The following NFATC1 variants were observed in gnomAD, a reference collection of about 807,000 sequenced individuals.
NFATC1 encodes the protein nuclear factor of activated T-cells, cytoplasmic 1.
In NFATC1, 22 loss-of-function variants were observed where a neutral mutation model predicts 76.0. The ratio of observed to expected loss-of-function variants is 0.29; its 90% CI spans 0.21 to 0.41. NFATC1 has a LOEUF of 0.41. Ranked by LOEUF, NFATC1 falls within the 10% of genes least tolerant of loss-of-function variation. The pLI, the probability that NFATC1 is intolerant of heterozygous loss-of-function variation, is 1.00. For synonymous variants in NFATC1, 704 were observed against 613.1 expected (o/e 1.15, Z -2.19); for missense variants, 1,357 against 1,337.7 (o/e 1.01, Z -0.23).
intron 6 of NFATC1, among the ~76,000 whole-genome samples, chr18:79,459,315 G>T (rs963393876): frequency 1.1e-4 from 16 of 152,348 alleles, no homozygotes; most frequent in African/African-American, 3.6e-4. Flanking sequence ...GGTGGGAAAA[G>T]ACGCCTCCAT....
In NFATC1 at chr18:79,527,525, C is replaced by T. The variant is rs758751754; in HGVS notation, c.2783-3C>T. ...TACTTTCTCAATTTTTCTTTTCTTA[C>T]AGTAAATGAAATAATACGAAATGAC... On this transcript the variant is annotated splice_polypyrimidine_tract_variant and splice_region_variant and intron_variant, in intron 9 of 9. Transcript: ENST00000427363. 12 of 1,612,788 alleles carry T rather than the reference C, an allele frequency of 7.4e-6. No individual in the cohort carries two copies. The highest frequency in any genetic ancestry group is 2.2e-5 in the East Asian group (1 of 44,878).
intron 3 of NFATC1, among the ~76,000 whole-genome samples, chr18:79,440,877 G>A (rs1422347616): frequency 6.6e-6 from 1 of 152,162 alleles, no homozygotes; most frequent in Admixed American, 6.5e-5. Context: ...TGTGACGTTG[G>A]TGGCTGTTCC....
intron 8 of NFATC1, among the ~76,000 whole-genome samples, chr18:79,476,539 G>A (rs927886523): frequency 7.2e-5 from 11 of 152,220 alleles, no homozygotes; most frequent in African/African-American, 1.2e-4. Context: ...CCTCGCTGCC[G>A]TGCTGTCCTG....
chr18:79,475,078 TCACA>T lies in NFATC1; in HGVS notation c.2092+7498_2092+7501del, dbSNP rs202226130. 3.8e-3 allele frequency among the ~76,000 whole-genome samples: 439 copies of T among 115,056 alleles called. 22 individuals carry two copies. Among genetic ancestry groups the T allele is most frequent in the Admixed American group, 0.028 (343 of 12,166 alleles). The allele number at this position is 115,056 out of a possible 152,430, so 75.5% of individuals were successfully genotyped here. A position where few individuals can be genotyped will look rare whatever the true frequency, so the allele number is the denominator to read the frequency against. On this transcript the variant is annotated intron_variant, in intron 8 of 9. Transcript: ENST00000427363. ...TTGTAAACCTGAGGGAAGTGTGTTCTCACACTCACTCGACGTGAGGGAAGCGTGT... is the reference window on the plus strand; with the variant it reads ...TTGTAAACCTGAGGGAAGTGTGTTCTCTCACTCGACGTGAGGGAAGCGTGT...
intron 9 of NFATC1, among the ~76,000 whole-genome samples, chr18:79,500,619 C>T (rs1441235591): frequency 6.6e-6 from 1 of 151,938 alleles, no homozygotes; most frequent in Non-Finnish European, 1.5e-5. Flanking sequence ...ACAAAATTGA[C>T]AAAACTTTAA....
chr18:79,464,419 A>G (rs1385335145), intron 7 of NFATC1, among the ~76,000 whole-genome samples: 1 of 151,794 alleles, frequency 6.6e-6, no homozygotes, highest in Non-Finnish European at 1.5e-5. Flanking sequence ...TAATCTCTTA[A>G]ATGGAGTTTG....
chr18:79,410,466 C>T lies in NFATC1; in HGVS notation c.191C>T (p.Thr64Ile), dbSNP rs762539999. ...CTGCCGCTCCCCACGGCGCACTCCA[C>T]CCTGCCGGCCCCGTGCCACAACCTT... ...PALPLPTAHS[T>I]LPAPCHNLQT... Residue 64 changes from threonine to isoleucine, a missense_variant, in exon 2 of 10, where the codon ACC becomes ATC. Around this residue, in one of 3 missense-constraint regions of NFATC1, gnomAD observed 691 missense variants for 613.1 expected, o/e 1.13. Transcript: ENST00000427363. This position sits in a 1 kb window ranked among gnomAD's most constrained non-coding sequence, Gnocchi z 6.7. 2 of 1,612,276 alleles carry T rather than the reference C, an allele frequency of 1.2e-6. No individual in the cohort carries two copies. Among genetic ancestry groups the T allele is most frequent in the African/African-American group, 1.3e-5 (1 of 74,904 alleles).
At chr18:79,458,952 C>A (rs2087901463) in intron 6 of NFATC1, among the ~76,000 whole-genome samples, 1 of 152,244 alleles carries the variant, frequency 6.6e-6, no homozygotes, top group Non-Finnish European at 1.5e-5. Flanking sequence ...CTTTATGATC[C>A]TTAAGCAGAA....
intron 3 of NFATC1, among the ~76,000 whole-genome samples, chr18:79,440,561 C>T (rs2086934837): frequency 6.6e-6 from 1 of 152,148 alleles, no homozygotes; most frequent in Non-Finnish European, 1.5e-5. Flanking sequence ...GGGCCACACC[C>T]AGCAGGTGTC....
At position 79,455,268 on chromosome 18, in the gene NFATC1, G is replaced by A. The variant is rs1404327149; in HGVS notation, c.1903+3452G>A. On this transcript the variant is annotated intron_variant, in intron 6 of 9. Coordinates refer to ENST00000427363, the MANE Select transcript of NFATC1 (RefSeq NM_001278669.2). ...CGCCGGGGGTGAAGACTCCCACTCC[G>A]TTTGCCAGCGATCGCGCAGCGGGCA... Among the ~76,000 whole-genome samples, 13 of 152,344 alleles carry A rather than the reference G, an allele frequency of 8.5e-5. No individual in the cohort carries two copies. In the East Asian group the frequency reaches 1.9e-3, roughly 23 times the overall value.
intron 3 of NFATC1, among the ~76,000 whole-genome samples, chr18:79,447,662 C>T (rs1262670168): frequency 6.6e-6 from 1 of 152,192 alleles, no homozygotes; most frequent in Non-Finnish European, 1.5e-5. Flanking sequence ...GTGGGAGGCC[C>T]CACTGCGCAA....
At chr18:79,397,839 T>C (rs2085058745) in intron 1 of NFATC1, among the ~76,000 whole-genome samples, 1 of 152,142 alleles carries the variant, frequency 6.6e-6, no homozygotes, top group African/African-American at 2.4e-5. Flanking sequence ...GTTTTCGTGT[T>C]TCCTACTGAA....
At chr18:79,448,085 G>A (rs1481532008) in intron 3 of NFATC1, among the ~76,000 whole-genome samples, 1 of 152,238 alleles carries the variant, frequency 6.6e-6, no homozygotes, top group Non-Finnish European at 1.5e-5. Flanking sequence ...TGTGGGTTTT[G>A]AGTCTCACCC....
intron 1 of NFATC1, among the ~76,000 whole-genome samples, chr18:79,400,863 CTCAG>C (rs2085208765): frequency 2.3e-3 from 1 of 432 alleles, no homozygotes; most frequent in Non-Finnish European, 5.1e-3. Flanking sequence ...CGACCTCCGC[CTCAG>C]CCATCCTCCT....
At chr18:79,438,119 G>A (rs1052489602) in intron 3 of NFATC1, among the ~76,000 whole-genome samples, 8 of 152,224 alleles carry the variant, frequency 5.3e-5, no homozygotes, top group Admixed American at 3.3e-4. Flanking sequence ...CGCTCCGTCC[G>A]AGGAGGAGCT....
intron 2 of NFATC1, among the ~76,000 whole-genome samples, chr18:79,415,761 A>G (rs1352780178): frequency 6.6e-6 from 1 of 151,978 alleles, no homozygotes. Context: ...TGGTGCAATA[A>G]CGTATATTCA....
rs1407703425 is a variant in NFATC1 at position 79,451,655 on chromosome 18, GC to G, written c.1763-17del. ...CGCCCACTCAGGACAGGCCCTCACT[GC>G]CCCTCTCCTTCTGATGCAGCCCAGC... On this transcript the variant is annotated intron_variant, in intron 5 of 9. Transcript: ENST00000427363. 1.9e-6 allele frequency: 3 copies of G among 1,567,748 alleles called. No individual in the cohort carries two copies. Among genetic ancestry groups the G allele is most frequent in the Non-Finnish European group, 2.6e-6 (3 of 1,154,694 alleles).
intron 3 of NFATC1, among the ~76,000 whole-genome samples, chr18:79,436,847 G>A (rs1419766567): frequency 2.6e-5 from 4 of 152,048 alleles, no homozygotes; most frequent in Admixed American, 2.0e-4. Flanking sequence ...GCCCCCTCCA[G>A]TGAGCACTGA....
intron 2 of NFATC1, among the ~76,000 whole-genome samples, chr18:79,432,173 C>T (rs2086613864): frequency 6.6e-6 from 1 of 152,250 alleles, no homozygotes; most frequent in Non-Finnish European, 1.5e-5. Flanking sequence ...GTCTCTGGGG[C>T]TTGTACTTAA....
Sources: gnomAD v4.1 joint callset for allele counts (sites outside exome capture counted in the v4.1 genomes callset) on GRCh38, gnomAD v4.1.1 for gene constraint, gnomAD v4.1.1 regional missense constraint, Gnocchi (gnomAD v3.1) non-coding constraint, MANE v1.5 for transcripts, NCBI Gene and HGNC (gene_info 2026-07-23, HGNC 2026-07-21) for gene names.